The following SHOX variants were observed in gnomAD, a reference collection of about 807,000 sequenced individuals.
SHOX encodes SHOX homeobox, also known as short stature homeobox protein.
In SHOX, 12 loss-of-function variants were observed where a neutral mutation model predicts 29.6. The ratio of observed to expected loss-of-function variants is 0.41; its 90% CI spans 0.26 to 0.66. The LOEUF (loss-of-function observed/expected upper bound fraction) is 0.66, where lower values mean the gene tolerates loss of function less well. Among genes scored for constraint, SHOX ranks in the 30% least tolerant of loss-of-function variants. The pLI, the probability that SHOX is intolerant of heterozygous loss-of-function variation, is 0.35. For synonymous variants in SHOX, 214 were observed against 200.6 expected (o/e 1.07, Z -0.57); for missense variants, 499 against 437.7 (o/e 1.14, Z -1.25).
At chrX:632,576 G>A (rs182018403) in intron 1 of SHOX, among the ~76,000 whole-genome samples, 2 of 152,056 alleles carry the variant, frequency 1.3e-5, no homozygotes, top group African/African-American at 4.8e-5. Flanking sequence ...CCCTGCATTT[G>A]GGGTGTGGAG....
chrX:641,245 T>C (rs2052848616), intron 4 of SHOX, 158 bp downstream of exon 4: 1 of 227,674 alleles, frequency 4.4e-6, no homozygotes, highest in South Asian at 1.6e-4. Context: ...CGAGGAGGCA[T>C]TTACAGGCAC....
intron 1 of SHOX, 81 bp downstream of exon 1, chrX:631,255 C>T: frequency 6.5e-7 from 1 of 1,541,412 alleles, no homozygotes; most frequent in Non-Finnish European, 8.9e-7. Flanking sequence ...CCCCGCGCGC[C>T]CCTCGCTGTG....
rs1168880378 is a variant in SHOX at position 646,084 on chromosome X, G to A, written c.*1448G>A. 1 of 151,996 alleles carries A rather than the reference G, an allele frequency of 6.6e-6. No individual in the cohort carries two copies. The highest frequency in any genetic ancestry group is 1.5e-5 in the Non-Finnish European group (1 of 68,038). The allele number at this position is 151,996 out of a possible 1,614,324, so 9.4% of individuals were successfully genotyped here. ...GCTAATTTTTTGTATTTATAGTAGAGACGGGGTTTCACCGTGTTGGCCAGG... is the reference window on the plus strand; with the variant it reads ...GCTAATTTTTTGTATTTATAGTAGAAACGGGGTTTCACCGTGTTGGCCAGG... On this transcript the variant is annotated 3_prime_UTR_variant, in exon 5 of 5. Coordinates refer to ENST00000686671, the MANE Select transcript of SHOX (RefSeq NM_000451.4).
At chrX:642,260 A>G (rs999432691) in intron 4 of SHOX, among the ~76,000 whole-genome samples, 8 of 151,264 alleles carry the variant, frequency 5.3e-5, no homozygotes, top group Non-Finnish European at 1.2e-4. Context: ...TTCGGTCCCT[A>G]ATTTGGGGGT....
At chrX:638,205 G>C (rs2052789843) in intron 2 of SHOX, among the ~76,000 whole-genome samples, 1 of 152,058 alleles carries the variant, frequency 6.6e-6, no homozygotes, top group African/African-American at 2.4e-5. Flanking sequence ...CTCCAAGACT[G>C]ATTTATTAGC....
intron 1 of SHOX, among the ~76,000 whole-genome samples, chrX:634,185 G>C (rs1171180983): frequency 6.6e-6 from 1 of 152,182 alleles, no homozygotes; most frequent in Non-Finnish European, 1.5e-5. Context: ...TGGGGATAGC[G>C]TCTCTCCGTA....
intron 2 of SHOX, 150 bp from the exon 3 acceptor site, chrX:640,671 G>A: frequency 1.3e-6 from 1 of 794,818 alleles, no homozygotes; most frequent in East Asian, 2.5e-5. Flanking sequence ...GGAGACAGAG[G>A]GGCGGTAAGT....
rs1342348082 is a variant in SHOX at position 647,283 on chromosome X, C to G, written c.*2647C>G. The stretch of plus-strand genomic sequence containing the variant: ...TAGTAGAGACAGGGTTTCAGCCTCC[C>G]GAGTAGCTGGGATTACAGGCACCTG... On this transcript the variant is annotated 3_prime_UTR_variant, in exon 5 of 5. Transcript: ENST00000686671. Among the ~76,000 whole-genome samples, 15 of 74,724 alleles carry G rather than the reference C, an allele frequency of 2.0e-4. No homozygotes were observed. Among genetic ancestry groups the G allele is most frequent in the African/African-American group, 7.6e-4 (13 of 17,022 alleles). The allele number at this position is 74,724 out of a possible 152,430, so 49.0% of individuals were successfully genotyped here.
chrX:625,886 CTCCTCT>C, upstream of SHOX, among the ~76,000 whole-genome samples: 1 of 130,792 alleles, frequency 7.6e-6, no homozygotes, highest in Non-Finnish European at 1.7e-5. Flanking sequence ...CTTTCTCTCT[CTCCTCT>C]CTCTCTTTCT....
chrX:631,835 G>A, intron 1 of SHOX: 1 of 450,632 alleles, frequency 2.2e-6, no homozygotes, highest in South Asian at 1.6e-5. Context: ...CCCGGCCTGG[G>A]TCCTGACGGC....
chrX:646,810 GA>G lies in SHOX; in HGVS notation c.*2175del, dbSNP rs1320281606. The G allele has an allele frequency of 1.3e-5, 2 of 152,014 alleles. No individual in the cohort carries two copies. Among genetic ancestry groups the G allele is most frequent in the Non-Finnish European group, 2.9e-5 (2 of 68,014 alleles). The allele number at this position is 152,014 out of a possible 1,614,324, so 9.4% of individuals were successfully genotyped here. On this transcript the variant is annotated 3_prime_UTR_variant, in exon 5 of 5. Transcript: ENST00000686671. Reference sequence around the variant, plus strand: ...AGCTGGAAATTAAAAAAAAAAAAGAGAGAGAGAGGCTTTAATAGTTAAGCTG... The same window carrying G: ...AGCTGGAAATTAAAAAAAAAAAAGAGGAGAGAGGCTTTAATAGTTAAGCTG...
downstream of SHOX, among the ~76,000 whole-genome samples, chrX:654,597 A>G (rs1021207303): frequency 1.4e-5 from 2 of 144,124 alleles, no homozygotes; most frequent in Non-Finnish European, 3.0e-5. Flanking sequence ...ACATTTTATA[A>G]CAATTAAAAA....
rs1569493698 is a variant in SHOX at position 634,793 on chromosome X, C to CCA, written c.454_455dup (p.Gln152HisfsTer41). 1 of 1,594,534 alleles carries CCA rather than the reference C, an allele frequency of 6.3e-7. No individual in the cohort carries two copies. The highest frequency in any genetic ancestry group is 8.5e-7 in the Non-Finnish European group (1 of 1,170,836). ...ACGCCTTCATGCGCGAGGAGCTCAGCCAGCGCCTGGGGCTCTCCGAGGCGC... is the reference window on the plus strand; with the variant it reads ...ACGCCTTCATGCGCGAGGAGCTCAGCCACAGCGCCTGGGGCTCTCCGAGGCGC... On this transcript the variant is annotated frameshift_variant, in exon 2 of 5. Transcript: ENST00000686671. LOFTEE classifies it high-confidence loss of function.
At position 649,199 on chromosome X, in the gene SHOX, G is replaced by A. The variant is rs1312990043; in HGVS notation, c.*4563G>A. Reference sequence around the variant, plus strand: ...ATGACAGGCACCCACCACCATTCCCGGATAATTTTTGTATTTTTTAGTAGA... The same window carrying A: ...ATGACAGGCACCCACCACCATTCCCAGATAATTTTTGTATTTTTTAGTAGA... On this transcript the variant is annotated 3_prime_UTR_variant, in exon 5 of 5. Transcript: ENST00000686671. Among the ~76,000 whole-genome samples the A allele has an allele frequency of 3.3e-5, 5 of 151,972 alleles. No individual in the cohort carries two copies. The East Asian group carries it at 5.8e-4, about 18-fold the overall frequency.
chrX:634,857 C>T (rs771084093), intron 2 of SHOX, 31 bp downstream of exon 2: 5 of 1,544,092 alleles, frequency 3.2e-6, no homozygotes, highest in Non-Finnish European at 4.4e-6. Context: ...GCGGGGGGCC[C>T]GGAGCCATCG....
rs2053028737 is a variant in SHOX, at chrX:649,913, C to G, written c.*5277C>G. 3 of 455,810 alleles carry G rather than the reference C, an allele frequency of 6.6e-6. No homozygotes were observed. 28.2% of individuals were successfully genotyped at this position (455,810 alleles called of 1,614,324 possible). ...CTGTTTCTGACATATCCACTTTTCTCTCTCTTTTCTCTCTCTCTGACTGCG... is the reference window on the plus strand; with the variant it reads ...CTGTTTCTGACATATCCACTTTTCTGTCTCTTTTCTCTCTCTCTGACTGCG... On this transcript the variant is annotated 3_prime_UTR_variant, in exon 5 of 5. Coordinates refer to ENST00000686671, the MANE Select transcript of SHOX (RefSeq NM_000451.4).
chrX:624,893 T>TCTTC (rs2052483929), intron 1 of SHOX, among the ~76,000 whole-genome samples: 1 of 75,554 alleles, frequency 1.3e-5, no homozygotes, highest in Non-Finnish European at 2.6e-5. Flanking sequence ...TTTCTTTCTT[T>TCTTC]CTTTCTTTCT....
chrX:629,843 C>T, upstream of SHOX, among the ~76,000 whole-genome samples: 1 of 152,174 alleles, frequency 6.6e-6, no homozygotes, highest in Non-Finnish European at 1.5e-5. Flanking sequence ...GTCGCGATGG[C>T]GAGCACCGGC....
chrX:641,235 C>G (rs779440728), intron 4 of SHOX, 148 bp downstream of exon 4: 5 of 832,024 alleles, frequency 6.0e-6, no homozygotes, highest in Non-Finnish European at 1.0e-5. Flanking sequence ...GCCTCTTTTC[C>G]GAGGAGGCAT....
Sources: gnomAD v4.1 joint callset for allele counts (sites outside exome capture counted in the v4.1 genomes callset) on GRCh38, gnomAD v4.1.1 for gene constraint, MANE v1.5 for transcripts, NCBI Gene and HGNC (gene_info 2026-07-23, HGNC 2026-07-21) for gene names.